The following SLC16A1 variants were observed in gnomAD, a reference collection of about 807,000 sequenced individuals.
SLC16A1 encodes the protein solute carrier family 16 member 1, also known as monocarboxylate transporter 1.
In SLC16A1, 11 loss-of-function variants were observed where a neutral mutation model predicts 32.2. The observed-to-expected ratio is 0.34, with a 90% CI of 0.21 to 0.56. The LOEUF (loss-of-function observed/expected upper bound fraction) is 0.56, where lower values mean the gene tolerates loss of function less well. Among genes scored for constraint, SLC16A1 ranks in the 20% least tolerant of loss-of-function variants. The pLI is 0.87. For missense variants in SLC16A1, 435 were observed against 615.0 expected (o/e 0.71, Z 3.10); for synonymous variants, 231 against 226.8 (o/e 1.02, Z -0.17).
chr1:112,919,485 C>T (rs201482649), intron 3 of SLC16A1, among the ~76,000 whole-genome samples: 2 of 145,184 alleles, frequency 1.4e-5, no homozygotes, highest in Non-Finnish European at 2.9e-5. Flanking sequence ...CCAACCAGAA[C>T]AAATTATTTA....
rs559893247 is a variant in SLC16A1, at chr1:112,921,379, C to T, written c.361+611G>A. 5.3e-5 allele frequency among the ~76,000 whole-genome samples: 8 copies of T among 151,988 alleles called. 1 individual carries two copies. The highest frequency in any genetic ancestry group is 6.8e-3 in the Middle Eastern group (2 of 294). On this transcript the variant is annotated intron_variant, in intron 3 of 4. Coordinates refer to ENST00000369626, the MANE Select transcript of SLC16A1 (RefSeq NM_003051.4). ...GCAGTTCCCTTTCTACAAATTTATA[C>T]GAAGAATATATTCATGTTCACAAAA...
intron 1 of SLC16A1, chr1:112,955,604 C>T (rs1167741005): frequency 1.3e-5 from 2 of 152,276 alleles, no homozygotes; most frequent in Admixed American, 1.3e-4. Context: ...TAACTTCTGC[C>T]CCGAGTCCCT....
chr1:112,926,846 T>C (rs1205177042), intron 2 of SLC16A1, among the ~76,000 whole-genome samples: 2 of 151,094 alleles, frequency 1.3e-5, no homozygotes, highest in African/African-American at 4.9e-5. Context: ...GCCACTGCAC[T>C]CCAGCCTGAG....
intron 3 of SLC16A1, among the ~76,000 whole-genome samples, chr1:112,920,948 T>A (rs1416405332): frequency 6.6e-6 from 1 of 151,756 alleles, no homozygotes; most frequent in African/African-American, 2.4e-5. Flanking sequence ...CTATACTGAC[T>A]AATGCGATGA....
intron 4 of SLC16A1, among the ~76,000 whole-genome samples, chr1:112,916,598 C>A (rs1648520494): frequency 6.7e-6 from 1 of 150,006 alleles, no homozygotes. Context: ...TTTCTACATG[C>A]TTTTCTACAC....
intron 2 of SLC16A1, among the ~76,000 whole-genome samples, chr1:112,928,508 T>C (rs1260542459): frequency 1.3e-5 from 2 of 152,202 alleles, no homozygotes; most frequent in Non-Finnish European, 2.9e-5. Flanking sequence ...AGTGAGCAAC[T>C]TACTTCCAAC....
chr1:112,917,899 G>A lies in SLC16A1; in HGVS notation c.507C>T (p.Phe169=), dbSNP rs376669402. The change falls in exon 4 of 5, where the codon TTC becomes TTT. Residue 169 remains phenylalanine, a synonymous_variant. Transcript: ENST00000369626. The surrounding 1 kb of genome is among the most constrained non-coding windows in gnomAD (Gnocchi z 4.1). ...CTLAPLNQVF[F]GIFGWRGSFL... is the part of the protein sequence containing the mutation. ...AGCTTCCTCTCCATCCAAAGATACCGAAGAAAACCTGATTGAGGGGGGCCA... is the reference window on the plus strand; with the variant it reads ...AGCTTCCTCTCCATCCAAAGATACCAAAGAAAACCTGATTGAGGGGGGCCA... The A allele has an allele frequency of 9.3e-6, 15 of 1,607,554 alleles. No individual in the cohort carries two copies. Among genetic ancestry groups the A allele is most frequent in the East Asian group, 2.2e-5 (1 of 44,856 alleles).
rs1457747429 is a variant in SLC16A1, at chr1:112,912,567, G to A, written c.*1324C>T. The A allele has an allele frequency of 2.0e-5, 3 of 152,028 alleles. No homozygotes were observed. The highest frequency in any genetic ancestry group is 1.9e-4 in the East Asian group (1 of 5,196). The allele number at this position is 152,028 out of a possible 1,614,324, so 9.4% of individuals were successfully genotyped here. A position where few individuals can be genotyped will look rare whatever the true frequency, so the allele number is the denominator to read the frequency against. ...CACCTTCCCTCCTTATCCTTATACT[G>A]AATCCATTTCTCTACTTTTCAGGTA... On this transcript the variant is annotated 3_prime_UTR_variant, in exon 5 of 5. Coordinates refer to ENST00000369626, the MANE Select transcript of SLC16A1 (RefSeq NM_003051.4).
intron 2 of SLC16A1, among the ~76,000 whole-genome samples, chr1:112,928,346 C>T (rs1176675269): frequency 6.6e-6 from 1 of 152,224 alleles, no homozygotes; most frequent in Non-Finnish European, 1.5e-5. Flanking sequence ...TTTTCTGTCA[C>T]TCACAATACC....
chr1:112,928,500 T>C (rs1043786916), intron 2 of SLC16A1, among the ~76,000 whole-genome samples: 4 of 152,144 alleles, frequency 2.6e-5, no homozygotes, highest in Non-Finnish European at 5.9e-5. Flanking sequence ...TGATGTTAAG[T>C]GAGCAACTTA....
intron 1 of SLC16A1, among the ~76,000 whole-genome samples, chr1:112,937,871 G>A (rs1187570780): frequency 2.0e-5 from 3 of 152,250 alleles, no homozygotes; most frequent in South Asian, 2.1e-4. Flanking sequence ...ATCTTCTAAA[G>A]GATGATAGAA....
Position 112,917,917 on chromosome 1 carries a change from G to C in SLC16A1, c.489C>G (p.Pro163=), listed in dbSNP as rs145916504. 4 of 1,605,684 alleles carry C rather than the reference G, an allele frequency of 2.5e-6. No individual in the cohort carries two copies. Among genetic ancestry groups the C allele is most frequent in the Admixed American group, 1.7e-5 (1 of 58,368 alleles). ...AGATACCGAAGAAAACCTGATTGAG[G>C]GGGGCCAGAGTACAGAGGAACACAG... ...GSPVFLCTLA[P]LNQVFFGIFG... is the part of the protein sequence containing the mutation. Residue 163 remains proline, a synonymous_variant, in exon 4 of 5, where the codon CCC becomes CCG. Transcript: ENST00000369626. This position sits in a 1 kb window ranked among gnomAD's most constrained non-coding sequence, Gnocchi z 4.1.
Position 112,941,312 on chromosome 1 carries a change from G to A in SLC16A1, c.-44-11960C>T, listed in dbSNP as rs546387941. ...TTTTTTTTTTTTGAGACAGAGTTTC[G>A]CTCTTGCTGCCCAGGCTGGAGTGCG... On this transcript the variant is annotated intron_variant, in intron 1 of 4. Transcript: ENST00000369626. Among the ~76,000 whole-genome samples the A allele has an allele frequency of 6.6e-5, 8 of 121,288 alleles. No individual in the cohort carries two copies. In the South Asian group the frequency reaches 1.2e-3, roughly 18 times the overall value. The allele number at this position is 121,288 out of a possible 152,430, so 79.6% of individuals were successfully genotyped here.
intron 1 of SLC16A1, among the ~76,000 whole-genome samples, chr1:112,938,814 G>A (rs1435231412): frequency 6.6e-6 from 1 of 150,872 alleles, no homozygotes; most frequent in Non-Finnish European, 1.5e-5. Context: ...CAGTATTTTA[G>A]TTAATAATTT....
intron 1 of SLC16A1, among the ~76,000 whole-genome samples, chr1:112,948,924 G>A (rs377661034): frequency 2.0e-5 from 3 of 152,264 alleles, no homozygotes; most frequent in Non-Finnish European, 2.9e-5. Context: ...TCCGCCTCCC[G>A]GGTTCACGCC....
chr1:112,923,341 G>A (rs1648806904), intron 2 of SLC16A1: 4 of 494,324 alleles, frequency 8.1e-6, no homozygotes, highest in Admixed American at 3.1e-5. Flanking sequence ...CTAAAGCCAC[G>A]CGGCCGCCAA....
At chr1:112,944,945 G>A (rs1003348655) in intron 1 of SLC16A1, among the ~76,000 whole-genome samples, 1 of 150,932 alleles carries the variant, frequency 6.6e-6, no homozygotes, top group Non-Finnish European at 1.5e-5. Flanking sequence ...TGCCCGTCTC[G>A]GCCTCCCAAA....
chr1:112,916,988 G>A, intron 4 of SLC16A1, 190 bp downstream of exon 4: 1 of 753,956 alleles, frequency 1.3e-6, no homozygotes, highest in East Asian at 2.7e-5. Context: ...TTGCCTTGAT[G>A]GTTCCATTTA....
chr1:112,944,035 A>T (rs1570643436), intron 1 of SLC16A1, among the ~76,000 whole-genome samples: 2 of 152,174 alleles, frequency 1.3e-5, no homozygotes, highest in East Asian at 3.8e-4. Flanking sequence ...AATTAAATAA[A>T]TATGTTCTAA....
Sources: gnomAD v4.1 joint callset for allele counts (sites outside exome capture counted in the v4.1 genomes callset) on GRCh38, gnomAD v4.1.1 for gene constraint, Gnocchi (gnomAD v3.1) non-coding constraint, MANE v1.5 for transcripts, NCBI Gene and HGNC (gene_info 2026-07-23, HGNC 2026-07-21) for gene names.